The following TRPC6 variants were observed in gnomAD, a reference collection of about 807,000 sequenced individuals.
TRPC6 encodes the protein transient receptor potential cation channel subfamily C member 6.
Under a neutral mutation model 90.7 loss-of-function variants are expected in TRPC6, and 55 were observed. That is an observed-to-expected ratio of 0.61 (90% CI 0.49 to 0.76). TRPC6 has a LOEUF of 0.76. TRPC6 is among the 30% of genes least tolerant of loss of function. The pLI is 0.00. For synonymous variants in TRPC6, 393 were observed against 393.0 expected, an observed-to-expected ratio of 1.00 and a Z score of 0.00; for missense variants, 989 against 1,122.7, an observed-to-expected ratio of 0.88 and a Z score of 1.70.
intron 1 of TRPC6, among the ~76,000 whole-genome samples, chr11:101,553,092 T>A (rs1861483994): frequency 6.6e-6 from 1 of 152,078 alleles, no homozygotes; most frequent in African/African-American, 2.4e-5. Flanking sequence ...AGGTAGAGTA[T>A]TAATGGGAAG....
At chr11:101,539,888 A>C (rs1421551194) in intron 1 of TRPC6, among the ~76,000 whole-genome samples, 2 of 152,204 alleles carry the variant, frequency 1.3e-5, no homozygotes, top group African/African-American at 2.4e-5. Context: ...ACCTGTCTAG[A>C]CATCAATGCT....
At chr11:101,550,385 TATA>T (rs1480363017) in intron 1 of TRPC6, among the ~76,000 whole-genome samples, 2 of 151,642 alleles carry the variant, frequency 1.3e-5, no homozygotes, top group African/African-American at 2.4e-5. Flanking sequence ...TATGGATAGG[TATA>T]AGAACATAAC....
At position 101,471,221 on chromosome 11, in the gene TRPC6, G is replaced by A. The variant is rs1859284848; in HGVS notation, c.2371C>T (p.His791Tyr). 1 of 1,613,794 alleles carries A rather than the reference G, an allele frequency of 6.2e-7. No homozygotes were observed. The highest frequency in any genetic ancestry group is 1.3e-5 in the African/African-American group (1 of 74,968). Residue 791 changes from histidine (H) to tyrosine (Y), a missense_variant, in exon 9 of 13, where the codon CAT becomes TAT. This residue lies in a region of TRPC6 where 191 missense variants were observed against 196.7 expected (regional missense o/e 0.97). Transcript: ENST00000344327. ...KKWISELFQGHKKGFQEDAEM... is the reference protein window; with the variant it reads ...KKWISELFQGYKKGFQEDAEM... Reference sequence around the variant, plus strand: ...GCATCTTCCTGGAAACCTTTTTTATGGCCCTGGAACAGCTCAGAAATCCAT... The same window carrying A: ...GCATCTTCCTGGAAACCTTTTTTATAGCCCTGGAACAGCTCAGAAATCCAT...
intron 2 of TRPC6, among the ~76,000 whole-genome samples, chr11:101,500,209 TC>T (rs1860082054): frequency 8.5e-6 from 1 of 117,178 alleles, no homozygotes. Context: ...GTATTTTTTT[TC>T]TTTCTTTTTT....
chr11:101,489,097 A>G lies in TRPC6; in HGVS notation c.1133T>C (p.Val378Ala). Reference sequence around the variant, plus strand: ...TTGCTGTTGGCAGTTTGGATGAGCTACAAACTAGCAGGGAAGTGACAAAAT... The same window carrying G: ...TTGCTGTTGGCAGTTTGGATGAGCTGCAAACTAGCAGGGAAGTGACAAAAT... ...LAIKYEVKKFVAHPNCQQQLL... is the reference protein window; with the variant it reads ...LAIKYEVKKFAAHPNCQQQLL... The change falls in exon 4 of 13, where the codon GTA (valine) becomes GCA (alanine). Residue 378 changes from valine to alanine, a missense_variant. Transcript: ENST00000344327. 2 of 1,614,008 alleles carry G rather than the reference A, an allele frequency of 1.2e-6. No homozygotes were observed. The highest frequency in any genetic ancestry group is 1.7e-6 in the Non-Finnish European group (2 of 1,179,832).
intron 2 of TRPC6, among the ~76,000 whole-genome samples, chr11:101,498,691 T>C (rs1591088459): frequency 6.6e-6 from 1 of 152,178 alleles, no homozygotes; most frequent in Admixed American, 6.5e-5. Context: ...TGTCATAAAA[T>C]AGATTAATCG....
At chr11:101,581,712 TTA>T (rs1319467283) in intron 1 of TRPC6, among the ~76,000 whole-genome samples, 2 of 152,216 alleles carry the variant, frequency 1.3e-5, no homozygotes, top group African/African-American at 2.4e-5. Flanking sequence ...CAAGATTTAT[TTA>T]TTTTTCTTTC....
At chr11:101,530,750 C>T (rs765543233) in intron 1 of TRPC6, among the ~76,000 whole-genome samples, 4 of 152,116 alleles carry the variant, frequency 2.6e-5, no homozygotes, top group Non-Finnish European at 5.9e-5. Flanking sequence ...CTGCCAACCA[C>T]GAACTGTGAT....
At chr11:101,472,450 T>C in intron 7 of TRPC6, 118 bp from the exon 8 acceptor site, 2 of 952,266 alleles carry the variant, frequency 2.1e-6, no homozygotes, top group Non-Finnish European at 3.1e-6. Flanking sequence ...AAAAAAATTC[T>C]TCACTTCTCT....
intron 3 of TRPC6, among the ~76,000 whole-genome samples, chr11:101,489,669 A>C (rs191161620): frequency 2.0e-5 from 3 of 151,700 alleles, no homozygotes; most frequent in Admixed American, 6.6e-5. Flanking sequence ...TTAAGTTTTC[A>C]TGTATTTATT....
intron 6 of TRPC6, among the ~76,000 whole-genome samples, chr11:101,475,671 C>T: frequency 7.2e-6 from 1 of 138,682 alleles, no homozygotes; most frequent in Non-Finnish European, 1.5e-5. Context: ...CCATTACCTT[C>T]TACTTCTTTG....
rs573864895 is a variant in TRPC6, at chr11:101,526,861, C to CAAAAAAAAAAAAA, written c.171-22076_171-22064dup. Among the ~76,000 whole-genome samples the CAAAAAAAAAAAAA allele has an allele frequency of 5.0e-4, 18 of 36,120 alleles. 2 individuals are homozygous for CAAAAAAAAAAAAA. The highest frequency in any genetic ancestry group is 1.2e-3 in the South Asian group (1 of 824). The allele number at this position is 36,120 out of a possible 152,430, so 23.7% of individuals were successfully genotyped here. ...CCTGGGTGACAGAAGGAGACTGTCTCAAAAAAAAAAAAAAAAAAAAAAAAA... is the reference window on the plus strand; with the variant it reads ...CCTGGGTGACAGAAGGAGACTGTCTCAAAAAAAAAAAAAAAAAAAAAAAAAAAAAAAAAAAAAA... On this transcript the variant is annotated intron_variant, in intron 1 of 12. Transcript: ENST00000344327.
intron 5 of TRPC6, among the ~76,000 whole-genome samples, chr11:101,481,774 A>G (rs940871271): frequency 6.6e-6 from 1 of 152,106 alleles, no homozygotes; most frequent in Non-Finnish European, 1.5e-5. Context: ...CGTCTATCTC[A>G]CAACCACTGT....
intron 1 of TRPC6, among the ~76,000 whole-genome samples, chr11:101,553,387 C>T (rs1458157869): frequency 2.0e-5 from 3 of 152,046 alleles, no homozygotes; most frequent in Non-Finnish European, 4.4e-5. Context: ...ACCTTTATCA[C>T]AGCTGGTATT....
chr11:101,546,232 C>T (rs1228803522), intron 1 of TRPC6, among the ~76,000 whole-genome samples: 1 of 110,862 alleles, frequency 9.0e-6, no homozygotes, highest in African/African-American at 3.6e-5. Flanking sequence ...CCACCGCGCC[C>T]GGCTAATTTT....
chr11:101,563,272 C>T (rs1166554770), intron 1 of TRPC6, among the ~76,000 whole-genome samples: 3 of 151,938 alleles, frequency 2.0e-5, no homozygotes, highest in Admixed American at 6.6e-5. Flanking sequence ...TAACAGAGAC[C>T]CAAGGGAATA....
At chr11:101,514,930 A>C (rs1208195381) in intron 1 of TRPC6, among the ~76,000 whole-genome samples, 1 of 152,238 alleles carries the variant, frequency 6.6e-6, no homozygotes, top group Non-Finnish European at 1.5e-5. Context: ...ACAAAGCTTT[A>C]AAGAAAGACA....
At chr11:101,453,859 T>TCA (rs1160512802) in intron 11 of TRPC6, 134 bp from the exon 12 acceptor site, 1 of 829,946 alleles carries the variant, frequency 1.2e-6, no homozygotes, top group African/African-American at 1.7e-5. Flanking sequence ...CTAAGATGAT[T>TCA]CAGCCAGGAT....
chr11:101,453,529 C>T, intron 12 of TRPC6, 121 bp downstream of exon 12: 1 of 984,374 alleles, frequency 1.0e-6, no homozygotes, highest in Non-Finnish European at 1.6e-6. Context: ...AGATCCTGTT[C>T]TACTTTTCCC....
Sources: gnomAD v4.1 joint callset for allele counts (sites outside exome capture counted in the v4.1 genomes callset) on GRCh38, gnomAD v4.1.1 for gene constraint, gnomAD v4.1.1 regional missense constraint, MANE v1.5 for transcripts, NCBI Gene and HGNC (gene_info 2026-07-23, HGNC 2026-07-21) for gene names.